ARID1B: variants seen among roughly 807,000 people sequenced by gnomAD.
The protein encoded by ARID1B is AT-rich interactive domain-containing protein 1B.
Under a neutral mutation model 212.3 loss-of-function variants are expected in ARID1B, and 30 were observed. The observed-to-expected ratio is 0.14, with a 90% CI of 0.11 to 0.19. ARID1B has a LOEUF of 0.19. Among genes scored for constraint, ARID1B ranks in the 10% least tolerant of loss-of-function variants. The pLI, the probability that ARID1B is intolerant of heterozygous loss-of-function variation, is 1.00. For synonymous variants in ARID1B, 1,402 were observed against 1,301.7 expected (o/e 1.08, Z -1.66); for missense variants, 2,891 against 3,204.0 (o/e 0.90, Z 2.36).
chr6:156,848,440 C>CATATG (rs1463116662), intron 2 of ARID1B, among the ~76,000 whole-genome samples: 22 of 152,338 alleles, frequency 1.4e-4, no homozygotes, highest in African/African-American at 4.8e-4. Context: ...TGTAACTCTA[C>CATATG]ATATGGTCTT....
intron 4 of ARID1B, among the ~76,000 whole-genome samples, chr6:157,070,620 C>T (rs555200664): frequency 1.3e-5 from 2 of 152,196 alleles, no homozygotes; most frequent in Non-Finnish European, 2.9e-5. Context: ...GCCAGGAGTT[C>T]AGGTATGAAG....
chr6:156,937,987 A>G (rs1201289091), intron 4 of ARID1B: 2 of 152,118 alleles, frequency 1.3e-5, no homozygotes, highest in Admixed American at 6.5e-5. Flanking sequence ...CAGAGTTTCC[A>G]GGTTTTATGT....
At chr6:156,795,028 T>C (rs1780261527) in intron 1 of ARID1B, among the ~76,000 whole-genome samples, 1 of 152,226 alleles carries the variant, frequency 6.6e-6, no homozygotes, top group African/African-American at 2.4e-5. Context: ...TTTACATTTG[T>C]TCTTCAGGGA....
chr6:157,173,753 G>A (rs1266793060), intron 9 of ARID1B: 2 of 337,584 alleles, frequency 5.9e-6, no homozygotes, highest in East Asian at 9.8e-5. Flanking sequence ...ATTGATATAA[G>A]TTGACCTTCA....
At chr6:156,951,057 G>A (rs1793546402) in intron 4 of ARID1B, among the ~76,000 whole-genome samples, 2 of 152,090 alleles carry the variant, frequency 1.3e-5, no homozygotes, top group Non-Finnish European at 2.9e-5. Context: ...AAAATAGCTT[G>A]GATGAGGTAT....
At chr6:156,892,131 C>T (rs896945350) in intron 2 of ARID1B, among the ~76,000 whole-genome samples, 2 of 150,842 alleles carry the variant, frequency 1.3e-5, no homozygotes, top group Non-Finnish European at 2.9e-5. Flanking sequence ...ATCTCTTGAC[C>T]TCGTGATCCA....
At chr6:157,123,180 TTCTCTG>T (rs66476170) in intron 6 of ARID1B, among the ~76,000 whole-genome samples, 4,748 of 146,382 alleles carry the variant, frequency 0.032, 91 homozygotes, top group South Asian at 0.11. Flanking sequence ...TTTGAGATCT[TTCTCTG>T]TCTCTGTCTC....
chr6:157,116,927 G>T (rs768268558), intron 6 of ARID1B, among the ~76,000 whole-genome samples: 2 of 152,056 alleles, frequency 1.3e-5, no homozygotes, highest in African/African-American at 4.8e-5. Flanking sequence ...GGCGAGTTGT[G>T]TATTTTCTCT....
At chr6:157,172,523 G>A (rs972381836) in intron 9 of ARID1B, among the ~76,000 whole-genome samples, 7 of 152,188 alleles carry the variant, frequency 4.6e-5, no homozygotes, top group East Asian at 1.9e-4. Flanking sequence ...CAATGCGCCC[G>A]TGGAAAAGAC....
rs146366951 is a variant in ARID1B at position 156,958,849 on chromosome 6, G to A, written c.2247+23273G>A. Among the ~76,000 whole-genome samples, 416 of 152,244 alleles carry A rather than the reference G, an allele frequency of 2.7e-3. 4 individuals carry two copies. The East Asian group carries it at 0.032, about 12-fold the overall frequency. On this transcript the variant is annotated intron_variant, in intron 4 of 19. Transcript: ENST00000636930. ...AAAAAGATGAGGCCAGGAATCATAC[G>A]GAGTTAGTTTACTAATGAAGCAAGG...
In ARID1B at chr6:157,084,040, A is replaced by C. The variant is rs183859842; in HGVS notation, c.2248-622A>C. 1.3e-4 allele frequency among the ~76,000 whole-genome samples: 20 copies of C among 151,854 alleles called. 1 individual carries two copies. In the East Asian group the frequency reaches 3.7e-3, roughly 28 times the overall value. On this transcript the variant is annotated intron_variant, in intron 4 of 19. Transcript: ENST00000636930. ...TCCCAGCTACTAGGGAGGCTGAGGC[A>C]GGAGAATCGCTTGAACCCAGGATGC...
chr6:156,927,743 G>A (rs1030353572), intron 3 of ARID1B, among the ~76,000 whole-genome samples: 1 of 152,144 alleles, frequency 6.6e-6, no homozygotes, highest in Admixed American at 6.5e-5. Context: ...TTATACATTT[G>A]TTTTTGTGTT....
At chr6:157,032,879 T>C (rs1297077006) in intron 4 of ARID1B, among the ~76,000 whole-genome samples, 1 of 152,126 alleles carries the variant, frequency 6.6e-6, no homozygotes, top group Non-Finnish European at 1.5e-5. Flanking sequence ...TTCCATTCTT[T>C]TTACTTAATA....
intron 6 of ARID1B, among the ~76,000 whole-genome samples, chr6:157,117,996 C>T (rs1318144549): frequency 6.6e-6 from 1 of 152,138 alleles, no homozygotes; most frequent in African/African-American, 2.4e-5. Context: ...CAACCCCAGC[C>T]GTGCTCTTTA....
chr6:157,191,256 A>T (rs1199728220), intron 15 of ARID1B, among the ~76,000 whole-genome samples: 2 of 151,676 alleles, frequency 1.3e-5, no homozygotes, highest in Non-Finnish European at 2.9e-5. Flanking sequence ...CCGCCGGCAG[A>T]GTGTATGTCA....
intron 7 of ARID1B, among the ~76,000 whole-genome samples, chr6:157,137,499 C>T (rs957007323): frequency 2.0e-5 from 3 of 152,208 alleles, no homozygotes; most frequent in Non-Finnish European, 4.4e-5. Context: ...AAATCAATTT[C>T]ATGTCCATAG....
At position 157,206,127 on chromosome 6, in the gene ARID1B, G is replaced by A. The variant is rs372611138; in HGVS notation, c.5395-40G>A. 11 of 1,597,398 alleles carry A rather than the reference G, an allele frequency of 6.9e-6. No individual in the cohort carries two copies. Among genetic ancestry groups the A allele is most frequent in the Admixed American group, 1.7e-5 (1 of 59,510 alleles). On this transcript the variant is annotated intron_variant, in intron 19 of 19. Transcript: ENST00000636930. The surrounding 1 kb of genome is among the most constrained non-coding windows in gnomAD (Gnocchi z 6.8). ...CGGTCATATCTGATGTCATGACATT[G>A]TACCTGTTCTTTCTTTCTTCTCCTC...
intron 6 of ARID1B, among the ~76,000 whole-genome samples, chr6:157,120,100 A>G (rs1381470322): frequency 1.3e-5 from 2 of 152,252 alleles, no homozygotes; most frequent in Non-Finnish European, 2.9e-5. Context: ...AGCCTTAAAA[A>G]GTAGTTTATT....
chr6:156,974,379 A>G (rs1431657413), intron 4 of ARID1B, among the ~76,000 whole-genome samples: 3 of 152,226 alleles, frequency 2.0e-5, no homozygotes, highest in Admixed American at 6.5e-5. Flanking sequence ...ACCAACATTT[A>G]AAACACATTG....
Sources: gnomAD v4.1 joint callset for allele counts (sites outside exome capture counted in the v4.1 genomes callset) on GRCh38, gnomAD v4.1.1 for gene constraint, Gnocchi (gnomAD v3.1) non-coding constraint, MANE v1.5 for transcripts, NCBI Gene and HGNC (gene_info 2026-07-23, HGNC 2026-07-21) for gene names.